The following MAMDC2 variants were observed in gnomAD, a reference collection of about 807,000 sequenced individuals.
MAMDC2 encodes MAM domain-containing protein 2.
In MAMDC2, 57 loss-of-function variants were observed where a neutral mutation model predicts 89.8. The ratio of observed to expected loss-of-function variants is 0.63; its 90% CI spans 0.51 to 0.79. The LOEUF (loss-of-function observed/expected upper bound fraction) is 0.79, where lower values mean the gene tolerates loss of function less well. Ranked by LOEUF, MAMDC2 falls within the 30% of genes least tolerant of loss-of-function variation. The pLI, the probability that MAMDC2 is intolerant of heterozygous loss-of-function variation, is 0.00. For synonymous variants in MAMDC2, 313 were observed against 293.4 expected (o/e 1.07, Z -0.68); for missense variants, 800 against 820.6 (o/e 0.97, Z 0.31).
chr9:70,127,504 C>G (rs2030607902), intron 6 of MAMDC2, among the ~76,000 whole-genome samples: 1 of 151,936 alleles, frequency 6.6e-6, no homozygotes. Context: ...ATATCTTCTC[C>G]AGTTCCCTTT....
At chr9:70,116,106 A>T (rs2029976327) in intron 5 of MAMDC2, among the ~76,000 whole-genome samples, 2 of 152,268 alleles carry the variant, frequency 1.3e-5, no homozygotes, top group Admixed American at 6.5e-5. Flanking sequence ...GGAAGTGTTA[A>T]AGAACTTTTC....
At chr9:70,085,427 AC>A (rs1827748649) in intron 2 of MAMDC2, among the ~76,000 whole-genome samples, 1 of 152,048 alleles carries the variant, frequency 6.6e-6, no homozygotes, top group Admixed American at 6.6e-5. Flanking sequence ...AGTACCTCTT[AC>A]CCAGGGAGCT....
intron 11 of MAMDC2, among the ~76,000 whole-genome samples, chr9:70,175,502 G>A (rs1454736694): frequency 1.7e-5 from 1 of 59,414 alleles, no homozygotes; most frequent in Non-Finnish European, 3.5e-5. Flanking sequence ...TGTTATAATT[G>A]TCTTATTTTA....
rs1187802359 is a variant in MAMDC2 at position 70,082,185 on chromosome 9, A to C, written c.149-26026A>C. 3.9e-5 allele frequency: 6 copies of C among 152,186 alleles called. 1 individual carries two copies. Among genetic ancestry groups the C allele is most frequent in the Non-Finnish European group, 8.8e-5 (6 of 68,030 alleles). The allele number at this position is 152,186 out of a possible 1,614,324, so 9.4% of individuals were successfully genotyped here. A position where few individuals can be genotyped will look rare whatever the true frequency, so the allele number is the denominator to read the frequency against. On this transcript the variant is annotated intron_variant, in intron 2 of 13. Transcript: ENST00000377182. ...GGATATACAGAATGTGGCTGAGTCC[A>C]TGAGTTTACAACCAGCCTGGGCAAC...
intron 6 of MAMDC2, among the ~76,000 whole-genome samples, chr9:70,128,857 A>G (rs1392764697): frequency 1.3e-5 from 2 of 152,114 alleles, no homozygotes; most frequent in Admixed American, 6.5e-5. Context: ...AGGTTTCGCC[A>G]TGTTGCCCAG....
At chr9:70,099,204 GA>G (rs1828100021) in intron 2 of MAMDC2, among the ~76,000 whole-genome samples, 3 of 151,798 alleles carry the variant, frequency 2.0e-5, no homozygotes, top group Admixed American at 6.6e-5. Context: ...GATTAATTGA[GA>G]AAAAAACTCA....
At position 70,140,195 on chromosome 9, in the gene MAMDC2, T is replaced by C. The variant is rs1281123532; in HGVS notation, c.1045T>C (p.Cys349Arg). The C allele has an allele frequency of 2.5e-6, 4 of 1,596,788 alleles. No homozygotes were observed. The African/African-American group carries it at 5.4e-5, about 22-fold the overall frequency. ...CAGCTGCAATTTTGAGCAAGATCTC[T>C]GCAACTTTTACCAAGATAAAGAAGG... ...EASCNFEQDLCNFYQDKEGPG... is the reference protein window; with the variant it reads ...EASCNFEQDLRNFYQDKEGPG... The change falls in exon 8 of 14, where the codon TGC (cysteine) becomes CGC (arginine). Residue 349 changes from cysteine to arginine, a missense_variant. By Grantham distance (180) the Cys-to-Arg change is radical. Transcript: ENST00000377182.
intron 2 of MAMDC2, chr9:70,088,401 T>C (rs1223745104): frequency 1.3e-5 from 2 of 152,122 alleles, no homozygotes; most frequent in African/African-American, 4.8e-5. Flanking sequence ...GCTAGAAGCA[T>C]GGGCATAGAG....
intron 5 of MAMDC2, among the ~76,000 whole-genome samples, chr9:70,122,262 T>C (rs111819243): frequency 1.4e-4 from 22 of 152,342 alleles, no homozygotes; most frequent in African/African-American, 4.8e-4. Flanking sequence ...TTTGGGCAGA[T>C]CATGTTGTGT....
chr9:70,094,779 T>C (rs575664769), intron 2 of MAMDC2, among the ~76,000 whole-genome samples: 2 of 152,166 alleles, frequency 1.3e-5, no homozygotes. Flanking sequence ...TAATGAGGAA[T>C]GTGGACAAGT....
intron 2 of MAMDC2, among the ~76,000 whole-genome samples, chr9:70,089,432 T>C (rs549995482): frequency 1.3e-5 from 2 of 152,198 alleles, no homozygotes; most frequent in Non-Finnish European, 2.9e-5. Flanking sequence ...ATTTTTTGCA[T>C]CTTAAAAATT....
At chr9:70,221,255 C>T (rs890639756) in intron 12 of MAMDC2, among the ~76,000 whole-genome samples, 11 of 147,060 alleles carry the variant, frequency 7.5e-5, no homozygotes, top group African/African-American at 1.3e-4. Context: ...TTCGGGAGGC[C>T]GAGGTGGGAG....
chr9:70,142,263 A>G lies in MAMDC2; in HGVS notation c.1139-1291A>G, dbSNP rs1170116279. ...ACATCTGTGAAGGCCTCGAATTTGG[A>G]AAGAGCTGGTCACACCACAGAATAG... On this transcript the variant is annotated intron_variant, in intron 8 of 13. Coordinates refer to ENST00000377182, the MANE Select transcript of MAMDC2 (RefSeq NM_153267.5). Among the ~76,000 whole-genome samples, 4 of 152,122 alleles carry G rather than the reference A, an allele frequency of 2.6e-5. No homozygotes were observed. The East Asian group carries it at 7.7e-4, about 29-fold the overall frequency.
At chr9:70,073,745 G>A (rs774789142) in intron 2 of MAMDC2, among the ~76,000 whole-genome samples, 11 of 152,180 alleles carry the variant, frequency 7.2e-5, no homozygotes, top group Non-Finnish European at 1.5e-4. Flanking sequence ...CGAGTGCTGG[G>A]AAGGAAGGGG....
intron 12 of MAMDC2, among the ~76,000 whole-genome samples, chr9:70,223,249 T>A (rs2033598509): frequency 6.6e-6 from 1 of 151,870 alleles, no homozygotes; most frequent in African/African-American, 2.4e-5. Flanking sequence ...AACAGTTTCA[T>A]ATATTAAGTA....
chr9:70,078,332 A>G (rs1340604280), intron 2 of MAMDC2, among the ~76,000 whole-genome samples: 3 of 152,148 alleles, frequency 2.0e-5, no homozygotes, highest in Non-Finnish European at 4.4e-5. Flanking sequence ...CAAAGTGCCC[A>G]CATAATGTTT....
intron 11 of MAMDC2, among the ~76,000 whole-genome samples, chr9:70,176,676 A>G (rs141051019): frequency 3.9e-5 from 6 of 152,322 alleles, no homozygotes; most frequent in African/African-American, 1.4e-4. Context: ...CCACTTTTCT[A>G]ACTAACTCTT....
chr9:70,134,376 A>G (rs536536829), intron 7 of MAMDC2, among the ~76,000 whole-genome samples: 1 of 139,002 alleles, frequency 7.2e-6, no homozygotes, highest in East Asian at 2.2e-4. Context: ...CCCCTGCACA[A>G]CCACATCTGT....
chr9:70,046,700 C>T (rs1826762036), intron 2 of MAMDC2, among the ~76,000 whole-genome samples: 1 of 152,252 alleles, frequency 6.6e-6, no homozygotes, highest in Admixed American at 6.5e-5. Flanking sequence ...AAGGTGATTA[C>T]AGTTTAATAG....
Sources: allele counts gnomAD v4.1 joint callset (sites outside exome capture counted in the v4.1 genomes callset), GRCh38; gene constraint gnomAD v4.1.1; transcripts MANE v1.5; gene names NCBI Gene and HGNC (gene_info 2026-07-23, HGNC 2026-07-21).